Variants in COBL observed in about 807,000 individuals in gnomAD.
COBL encodes cordon-bleu WH2 repeat protein.
COBL carries 51 observed loss-of-function variants against 98.8 expected under a neutral mutation model. That is an observed-to-expected ratio of 0.52 (90% CI 0.41 to 0.65). The LOEUF (loss-of-function observed/expected upper bound fraction) is 0.65, where lower values mean the gene tolerates loss of function less well. COBL is among the 30% of genes least tolerant of loss of function. COBL has a pLI of 0.00. For missense variants in COBL, 1,617 were observed against 1,617.5 expected (o/e 1.00, Z 0.01); for synonymous variants, 634 against 651.7 (o/e 0.97, Z 0.41).
At chr7:51,223,929 A>G (rs1793909374) in intron 1 of COBL, among the ~76,000 whole-genome samples, 2 of 152,242 alleles carry the variant, frequency 1.3e-5, no homozygotes, top group South Asian at 4.1e-4. Context: ...TTGTGGGTGC[A>G]GACATCTACC....
chr7:51,160,162 G>C (rs1786645486), intron 5 of COBL, among the ~76,000 whole-genome samples: 1 of 152,168 alleles, frequency 6.6e-6, no homozygotes, highest in East Asian at 1.9e-4. Context: ...AAAGTGCTGG[G>C]ATTACAGGCA....
At chr7:51,062,380 C>G (rs1791467776) in intron 7 of COBL, among the ~76,000 whole-genome samples, 1 of 133,922 alleles carries the variant, frequency 7.5e-6, no homozygotes, top group African/African-American at 2.4e-5. Flanking sequence ...CTCCATAATC[C>G]CAAGCTCTGG....
intron 5 of COBL, among the ~76,000 whole-genome samples, chr7:51,151,120 C>A (rs1351024761): frequency 6.6e-6 from 1 of 152,168 alleles, no homozygotes; most frequent in Non-Finnish European, 1.5e-5. Flanking sequence ...GATCTTTCTG[C>A]CACTGAAAAT....
chr7:51,296,187 G>A (rs1801405704), intron 1 of COBL, among the ~76,000 whole-genome samples: 1 of 152,128 alleles, frequency 6.6e-6, no homozygotes, highest in African/African-American at 2.4e-5. Context: ...TGTCAGAGCA[G>A]GGACACCCAT....
At chr7:51,178,365 T>C (rs1006189900) in intron 5 of COBL, among the ~76,000 whole-genome samples, 13 of 152,192 alleles carry the variant, frequency 8.5e-5, no homozygotes, top group African/African-American at 3.1e-4. Context: ...AAAAGATTTA[T>C]AGAAAACTTA....
In COBL at chr7:51,299,485, A is replaced by G. The variant is rs531374219; in HGVS notation, c.41+17108T>C. Among the ~76,000 whole-genome samples, 5 of 152,338 alleles carry G rather than the reference A, an allele frequency of 3.3e-5. No homozygotes were observed. The South Asian group carries it at 1.0e-3, about 32-fold the overall frequency. On this transcript the variant is annotated intron_variant, in intron 1 of 12. Transcript: ENST00000265136. ...GACTGAATGGTTAATAATCCCTAGC[A>G]TATGAGTCCAGGTTTCAGGGGGACT...
chr7:51,112,503 G>A lies in COBL; in HGVS notation c.957+23655C>T, dbSNP rs991863367. On this transcript the variant is annotated intron_variant, in intron 6 of 12. Coordinates refer to ENST00000265136, the MANE Select transcript of COBL (RefSeq NM_015198.5). ...CTTTCTAAGCTCCCATTCATGTTGGGGTGTCCCTGCAGATGCATAGGTTAC... is the reference window on the plus strand; with the variant it reads ...CTTTCTAAGCTCCCATTCATGTTGGAGTGTCCCTGCAGATGCATAGGTTAC... Among the ~76,000 whole-genome samples the A allele has an allele frequency of 2.0e-5, 3 of 152,114 alleles. No homozygotes were observed. In the South Asian group the frequency reaches 6.2e-4, roughly 32 times the overall value.
At chr7:51,237,598 G>T (rs1293856184) in intron 1 of COBL, among the ~76,000 whole-genome samples, 1 of 144,468 alleles carries the variant, frequency 6.9e-6, no homozygotes, top group African/African-American at 2.6e-5. Flanking sequence ...TATGCCATAT[G>T]TCTACATTTT....
chr7:51,072,041 T>G (rs1792611008), intron 7 of COBL: 1 of 152,236 alleles, frequency 6.6e-6, no homozygotes, highest in South Asian at 2.1e-4. Context: ...TTGTTTATTA[T>G]TAATACCAAT....
chr7:51,108,957 C>CACACACACACACACA (rs869144573), intron 6 of COBL, among the ~76,000 whole-genome samples: 25 of 83,932 alleles, frequency 3.0e-4, no homozygotes, highest in South Asian at 2.5e-3. Context: ...CACACACACA[C>CACACACACACACACA]CCCCTGCCCC....
chr7:51,061,019 A>T (rs1287767047), intron 7 of COBL, among the ~76,000 whole-genome samples: 1 of 152,212 alleles, frequency 6.6e-6, no homozygotes, highest in Non-Finnish European at 1.5e-5. Context: ...CAATCCAGGT[A>T]GTACCACTAA....
intron 1 of COBL, among the ~76,000 whole-genome samples, chr7:51,289,015 T>C (rs1218993400): frequency 6.6e-6 from 1 of 152,138 alleles, no homozygotes; most frequent in Non-Finnish European, 1.5e-5. Flanking sequence ...TTTCCACTTG[T>C]GCATAATGAT....
At chr7:51,261,096 C>A (rs1236999311) in intron 1 of COBL, among the ~76,000 whole-genome samples, 2 of 152,208 alleles carry the variant, frequency 1.3e-5, no homozygotes, top group African/African-American at 4.8e-5. Context: ...CCAAGCTCAG[C>A]CCCACCGCAG....
chr7:51,308,288 A>G (rs2129213530), intron 1 of COBL, among the ~76,000 whole-genome samples: 1 of 152,304 alleles, frequency 6.6e-6, no homozygotes, highest in South Asian at 2.1e-4. Flanking sequence ...CCTACCCAAG[A>G]CTATTTTTAA....
At chr7:51,164,635 A>C (rs1019680258) in intron 5 of COBL, among the ~76,000 whole-genome samples, 7 of 152,146 alleles carry the variant, frequency 4.6e-5, no homozygotes, top group African/African-American at 1.7e-4. Flanking sequence ...TCAGAAAAAA[A>C]CAGACATTAA....
intron 7 of COBL, among the ~76,000 whole-genome samples, chr7:51,067,107 T>C (rs1032127489): frequency 3.3e-5 from 5 of 152,134 alleles, no homozygotes; most frequent in Non-Finnish European, 5.9e-5. Context: ...CAGAGATATA[T>C]TGTGTGTGGG....
At chr7:51,167,608 G>A (rs868656236) in intron 5 of COBL, among the ~76,000 whole-genome samples, 12 of 151,926 alleles carry the variant, frequency 7.9e-5, no homozygotes, top group Middle Eastern at 3.4e-3. Context: ...ATAAAAGAGC[G>A]AGAATAGTCA....
At chr7:51,174,080 T>A (rs570257499) in intron 5 of COBL, among the ~76,000 whole-genome samples, 1 of 152,328 alleles carries the variant, frequency 6.6e-6, no homozygotes, top group African/African-American at 2.4e-5. Context: ...CAAATTATTT[T>A]AAAAAATTAT....
At chr7:51,100,528 A>G (rs763659459) in intron 6 of COBL, among the ~76,000 whole-genome samples, 18 of 152,216 alleles carry the variant, frequency 1.2e-4, no homozygotes, top group Non-Finnish European at 2.1e-4. Flanking sequence ...GATGGCTGTA[A>G]TAATAACGAC....
Sources: gnomAD v4.1 joint callset for allele counts (sites outside exome capture counted in the v4.1 genomes callset) on GRCh38, gnomAD v4.1.1 for gene constraint, MANE v1.5 for transcripts, NCBI Gene and HGNC (gene_info 2026-07-23, HGNC 2026-07-21) for gene names.